Variants in LYPD6 observed in about 807,000 individuals in gnomAD.
LYPD6 encodes LY6/PLAUR domain containing 6.
A neutral mutation model predicts 22.7 loss-of-function variants in LYPD6; 15 were observed. That is an observed-to-expected ratio of 0.66 (90% CI 0.44 to 1.02). The LOEUF is 1.02. Among genes scored for constraint, LYPD6 ranks in the 50% least tolerant of loss-of-function variants. The pLI is 0.00. For synonymous variants in LYPD6, 72 were observed against 77.5 expected (o/e 0.93, Z 0.37); for missense variants, 189 against 208.4 (o/e 0.91, Z 0.57).
intron 3 of LYPD6, among the ~76,000 whole-genome samples, chr2:149,450,394 G>T (rs948243045): frequency 1.1e-4 from 16 of 152,274 alleles, no homozygotes; most frequent in African/African-American, 2.6e-4. Flanking sequence ...GCCCTGCATT[G>T]GTACTTTAAA....
At chr2:149,407,136 C>T (rs1254415311) in intron 1 of LYPD6, among the ~76,000 whole-genome samples, 1 of 152,194 alleles carries the variant, frequency 6.6e-6, no homozygotes, top group Non-Finnish European at 1.5e-5. Context: ...TTGTGGTTAA[C>T]CCGACCGTTC....
At chr2:149,408,413 C>T (rs1262989936) in intron 1 of LYPD6, among the ~76,000 whole-genome samples, 1 of 152,140 alleles carries the variant, frequency 6.6e-6, no homozygotes, top group East Asian at 1.9e-4. Context: ...CATTGAATTT[C>T]CCAGGTGTTC....
intron 3 of LYPD6, among the ~76,000 whole-genome samples, chr2:149,460,338 G>A (rs528650586): frequency 4.2e-5 from 4 of 94,722 alleles, no homozygotes; most frequent in Non-Finnish European, 1.1e-4. Context: ...AAGATAGTAG[G>A]GAAACATTAA....
At chr2:149,359,997 A>G (rs750877400) in intron 1 of LYPD6, among the ~76,000 whole-genome samples, 1 of 152,212 alleles carries the variant, frequency 6.6e-6, no homozygotes, top group Admixed American at 6.5e-5. Context: ...TCTTGATTAT[A>G]TGCTAAACAA....
intron 1 of LYPD6, among the ~76,000 whole-genome samples, chr2:149,360,091 A>T (rs1447224877): frequency 6.6e-6 from 1 of 152,206 alleles, no homozygotes; most frequent in Admixed American, 6.5e-5. Context: ...GACCATATAA[A>T]GTAACTTCCT....
chr2:149,401,626 C>G (rs1682557986), intron 1 of LYPD6, among the ~76,000 whole-genome samples: 1 of 152,074 alleles, frequency 6.6e-6, no homozygotes, highest in Non-Finnish European at 1.5e-5. Flanking sequence ...GGAATATTAC[C>G]TCATTATGCT....
intron 1 of LYPD6, among the ~76,000 whole-genome samples, chr2:149,371,163 T>C (rs1193672189): frequency 6.6e-6 from 1 of 152,160 alleles, no homozygotes; most frequent in African/African-American, 2.4e-5. Context: ...CCTCTCAGTC[T>C]CAGGTGATTC....
At chr2:149,477,895 T>C (rs532726665), downstream of LYPD6, among the ~76,000 whole-genome samples, 9 of 152,250 alleles carry the variant, frequency 5.9e-5, no homozygotes, top group East Asian at 1.9e-4. Flanking sequence ...ATGTGGACTT[T>C]TAGGAAAGCT....
chr2:149,450,701 CT>C (rs1683786935), intron 3 of LYPD6, among the ~76,000 whole-genome samples: 1 of 152,214 alleles, frequency 6.6e-6, no homozygotes, highest in South Asian at 2.1e-4. Flanking sequence ...ATGAACATTG[CT>C]AATGGATCTG....
In LYPD6 at chr2:149,402,113, C is replaced by T. The variant is rs375950325; in HGVS notation, c.-71-35525C>T. 5.9e-5 allele frequency among the ~76,000 whole-genome samples: 9 copies of T among 151,708 alleles called. No homozygotes were observed. The East Asian group carries it at 1.2e-3, about 20-fold the overall frequency. Reference sequence around the variant, plus strand: ...ATGTAACAAACCTGCACGTTCTGCACGTGTATCCCAGAACTTAAAAAAAAA... The same window carrying T: ...ATGTAACAAACCTGCACGTTCTGCATGTGTATCCCAGAACTTAAAAAAAAA... On this transcript the variant is annotated intron_variant, in intron 1 of 4. Coordinates refer to ENST00000334166, the MANE Select transcript of LYPD6 (RefSeq NM_194317.5).
intron 1 of LYPD6, among the ~76,000 whole-genome samples, chr2:149,348,681 C>T (rs1267172585): frequency 6.6e-6 from 1 of 152,218 alleles, no homozygotes; most frequent in African/African-American, 2.4e-5. Context: ...GTTGATTCTT[C>T]CCCCACTCTC....
chr2:149,405,757 A>T (rs1298932924), intron 1 of LYPD6, among the ~76,000 whole-genome samples: 4 of 150,304 alleles, frequency 2.7e-5, no homozygotes, highest in Non-Finnish European at 5.9e-5. Flanking sequence ...GATTTTAGTT[A>T]TTTCTTGCCT....
chr2:149,407,897 A>T (rs552530766), intron 1 of LYPD6, among the ~76,000 whole-genome samples: 26 of 152,260 alleles, frequency 1.7e-4, no homozygotes, highest in Non-Finnish European at 3.2e-4. Context: ...ATGGTGACGT[A>T]CAGATGGGTT....
At chr2:149,343,926 T>G (rs1420746908) in intron 1 of LYPD6, among the ~76,000 whole-genome samples, 1 of 152,194 alleles carries the variant, frequency 6.6e-6, no homozygotes, top group African/African-American at 2.4e-5. Flanking sequence ...ATGTTTTTGT[T>G]TTTTGAGTTG....
Position 149,445,979 on chromosome 2 carries a change from A to C in LYPD6, c.119-3070A>C, listed in dbSNP as rs184361290. On this transcript the variant is annotated intron_variant, in intron 2 of 4. Transcript: ENST00000334166. ...TTCTAGGTTTTGATTTAAAGTGAAA[A>C]TTGTGTTACTCTTCCTTTCATCTTA... Among the ~76,000 whole-genome samples the C allele has an allele frequency of 7.9e-5, 12 of 152,254 alleles. No homozygotes were observed. In the East Asian group the frequency reaches 2.3e-3, roughly 29 times the overall value.
chr2:149,418,974 T>G (rs575477736), intron 1 of LYPD6, among the ~76,000 whole-genome samples: 19 of 152,374 alleles, frequency 1.2e-4, no homozygotes, highest in African/African-American at 4.3e-4. Flanking sequence ...ATTTTGAGTC[T>G]GCCACTTTCT....
intron 1 of LYPD6, among the ~76,000 whole-genome samples, chr2:149,404,898 G>A (rs1682659465): frequency 6.6e-6 from 1 of 152,100 alleles, no homozygotes; most frequent in Non-Finnish European, 1.5e-5. Context: ...ATTATTTTGA[G>A]ATACATCCCA....
In LYPD6 at chr2:149,468,679, A is replaced by C; in HGVS notation, c.252A>C (p.Glu84Asp). ...TRYCYTQHTM[E>D]VTGNSISVTK... ...ACTGCTACACTCAGCACACAATGGAAGTCACAGGAAACAGTATCTCAGTCA... is the reference window on the plus strand; with the variant it reads ...ACTGCTACACTCAGCACACAATGGACGTCACAGGAAACAGTATCTCAGTCA... Residue 84 changes from glutamate to aspartate, a missense_variant, in exon 4 of 5, where the codon GAA (glutamate) becomes GAC (aspartate). By Grantham distance (45) the Glu-to-Asp change is conservative. Transcript: ENST00000334166. 1 of 1,613,644 alleles carries C rather than the reference A, an allele frequency of 6.2e-7. No individual in the cohort carries two copies. Among genetic ancestry groups the C allele is most frequent in the South Asian group, 1.1e-5 (1 of 91,084 alleles).
chr2:149,429,168 G>C (rs1044693970), intron 1 of LYPD6, among the ~76,000 whole-genome samples: 3 of 152,166 alleles, frequency 2.0e-5, no homozygotes, highest in African/African-American at 7.2e-5. Flanking sequence ...ACATGCTAGT[G>C]ACGCAGCCCT....
Sources: gnomAD v4.1 joint callset for allele counts (sites outside exome capture counted in the v4.1 genomes callset) on GRCh38, gnomAD v4.1.1 for gene constraint, MANE v1.5 for transcripts, NCBI Gene and HGNC (gene_info 2026-07-23, HGNC 2026-07-21) for gene names.